NOL7: variants seen among roughly 807,000 people sequenced by gnomAD.
NOL7 encodes nucleolar protein 7.
Under a neutral mutation model 38.4 loss-of-function variants are expected in NOL7, and 36 were observed. The observed-to-expected ratio is 0.94, with a 90% CI of 0.72 to 1.24. The LOEUF is 1.24. Among genes scored for constraint, NOL7 ranks in the 50% most tolerant of loss-of-function variants. The pLI, the probability that NOL7 is intolerant of heterozygous loss-of-function variation, is 0.00. For missense variants in NOL7, 350 were observed against 315.1 expected (o/e 1.11, Z -0.84); for synonymous variants, 142 against 126.5 (o/e 1.12, Z -0.82).
intron 8 of NOL7, among the ~76,000 whole-genome samples, chr6:13,627,663 T>G (rs138660028): frequency 2.3e-3 from 338 of 146,672 alleles, no homozygotes; most frequent in African/African-American, 7.8e-3. Context: ...AATCACGTTA[T>G]TTTTAAGGAC....
Position 13,627,983 on chromosome 6 carries a change from ATAC to A in NOL7, n.574-4403_574-4401del, listed in dbSNP as rs567797269. Among the ~76,000 whole-genome samples the A allele has an allele frequency of 1.5e-3, 222 of 152,348 alleles. 1 individual carries two copies. The highest frequency in any genetic ancestry group is 5.0e-3 in the African/African-American group (208 of 41,580). On this transcript the variant is annotated intron_variant and non_coding_transcript_variant, in intron 8 of 8. Coordinates refer to the NOL7 transcript ENST00000474485. ...ACCCTGGAACTTAAAGGAAAAAAAA[ATAC>A]TACTACACTGCAGTGTTTAAAAACT...
chr6:13,621,073 C>G lies in NOL7; in HGVS notation c.*246C>G, dbSNP rs554448328. On this transcript the variant is annotated 3_prime_UTR_variant, in exon 8 of 8. Transcript: ENST00000451315. ...AGCCATACCCACATCAGCAACAGCA[C>G]CTCTTCTACTCTCCCCGGGTTAGAG... 3.0e-5 allele frequency: 8 copies of G among 262,654 alleles called. No individual in the cohort carries two copies. The South Asian group carries it at 6.5e-4, about 21-fold the overall frequency. The allele number at this position is 262,654 out of a possible 1,614,324, so 16.3% of individuals were successfully genotyped here.
intron 8 of NOL7, among the ~76,000 whole-genome samples, chr6:13,626,950 GA>G (rs1250971911): frequency 6.6e-6 from 1 of 152,142 alleles, no homozygotes; most frequent in Non-Finnish European, 1.5e-5. Flanking sequence ...AACCCATGAA[GA>G]AATGCTGTGA....
In NOL7 at chr6:13,617,771, A is replaced by T; in HGVS notation, c.388A>T (p.Ile130Phe). 1.2e-6 allele frequency: 2 copies of T among 1,613,858 alleles called. No homozygotes were observed. The highest frequency in any genetic ancestry group is 1.7e-6 in the Non-Finnish European group (2 of 1,179,778). Residue 130 changes from isoleucine to phenylalanine, a missense_variant and splice_region_variant, in exon 4 of 8, where the codon ATC (isoleucine) becomes TTC (phenylalanine). By Grantham distance (21) the Ile-to-Phe change is conservative. Transcript: ENST00000451315. ...AGTGGTTTTGTTTTTTTTCCTTAGC[A>T]TCAAGAAATCGCCAGGAAAGGTGAA... is the stretch of plus-strand genomic sequence containing the variant. Reference protein sequence around the residue: ...EKLTTASQTNIKKSPGKVKEV... With the variant: ...EKLTTASQTNFKKSPGKVKEV...
chr6:13,622,149 GACAA>G (rs1764467447), downstream of NOL7: 2 of 354,738 alleles, frequency 5.6e-6, no homozygotes, highest in African/African-American at 4.3e-5. Flanking sequence ...TTAACTCTTA[GACAA>G]CTAAGAGGTT....
downstream of NOL7, chr6:13,625,814 T>G (rs368859378): frequency 1.3e-4 from 163 of 1,286,008 alleles, no homozygotes; most frequent in African/African-American, 2.2e-3. Context: ...TCAACTATTA[T>G]GCTCACAAAT....
chr6:13,628,080 G>A (rs1764671890), intron 8 of NOL7, among the ~76,000 whole-genome samples: 1 of 152,162 alleles, frequency 6.6e-6, no homozygotes, highest in African/African-American at 2.4e-5. Flanking sequence ...AGTGTTTTAG[G>A]CACTAATATG....
chr6:13,622,683 G>T (rs569966961), downstream of NOL7, among the ~76,000 whole-genome samples: 5 of 152,262 alleles, frequency 3.3e-5, no homozygotes, highest in Admixed American at 6.5e-5. Flanking sequence ...GGTAGTGTGG[G>T]TATTGTGTAT....
downstream of NOL7, among the ~76,000 whole-genome samples, chr6:13,626,060 G>C (rs1352035983): frequency 6.6e-6 from 1 of 152,202 alleles, no homozygotes; most frequent in East Asian, 1.9e-4. Flanking sequence ...CTGGTGTAGG[G>C]AGAGTGGAAG....
Position 13,621,019 on chromosome 6 carries a change from T to C in NOL7, c.*192T>C, listed in dbSNP as rs1764429410. On this transcript the variant is annotated 3_prime_UTR_variant, in exon 8 of 8. Coordinates refer to ENST00000451315, the MANE Select transcript of NOL7 (RefSeq NM_016167.5). ...AAAAAGTGGTTTAAGAAGGAATTGT[T>C]TTCTTTTTAATATATTTAACTGAAT... 1 of 406,516 alleles carries C rather than the reference T, an allele frequency of 2.5e-6. No homozygotes were observed. The highest frequency in any genetic ancestry group is 4.0e-5 in the Admixed American group (1 of 24,850). The allele number at this position is 406,516 out of a possible 1,614,324, so 25.2% of individuals were successfully genotyped here.
chr6:13,622,816 G>A (rs1288644624), downstream of NOL7, among the ~76,000 whole-genome samples: 1 of 152,202 alleles, frequency 6.6e-6, no homozygotes, highest in Non-Finnish European at 1.5e-5. Flanking sequence ...GGAGAGTAAG[G>A]AATTATTTCC....
chr6:13,631,322 T>C (rs964492222), intron 8 of NOL7, among the ~76,000 whole-genome samples: 2 of 152,222 alleles, frequency 1.3e-5, no homozygotes, highest in Non-Finnish European at 2.9e-5. Flanking sequence ...TGAGGTGCTC[T>C]ATAACACATC....
At position 13,620,915 on chromosome 6, in the gene NOL7, A is replaced by G. The variant is rs1386748754; in HGVS notation, c.*88A>G. On this transcript the variant is annotated 3_prime_UTR_variant, in exon 8 of 8. Coordinates refer to ENST00000451315, the MANE Select transcript of NOL7 (RefSeq NM_016167.5). The stretch of plus-strand genomic sequence containing the variant: ...AGATCATTTTAAAGGATCATTATAA[A>G]AATCATAAACCTATTTGAGGAAGTG... The G allele has an allele frequency of 1.2e-6, 1 of 848,490 alleles. No homozygotes were observed. The allele number at this position is 848,490 out of a possible 1,614,324, so 52.6% of individuals were successfully genotyped here. A position where few individuals can be genotyped will look rare whatever the true frequency, so the allele number is the denominator to read the frequency against.
chr6:13,616,894 C>T (rs901471071), intron 3 of NOL7, among the ~76,000 whole-genome samples: 2 of 152,188 alleles, frequency 1.3e-5, no homozygotes, highest in African/African-American at 2.4e-5. Context: ...CCATACTTGC[C>T]TTACCTGCCA....
chr6:13,630,712 G>A (rs1764756387), intron 8 of NOL7, among the ~76,000 whole-genome samples: 1 of 152,206 alleles, frequency 6.6e-6, no homozygotes, highest in African/African-American at 2.4e-5. Flanking sequence ...TTTTCCAGAG[G>A]CACAAGACAT....
At chr6:13,617,403 C>T (rs1025206484) in intron 3 of NOL7, among the ~76,000 whole-genome samples, 1 of 152,202 alleles carries the variant, frequency 6.6e-6, no homozygotes, top group Non-Finnish European at 1.5e-5. Context: ...TAAATTAATC[C>T]TTTGTGATTT....
intron 8 of NOL7, among the ~76,000 whole-genome samples, chr6:13,629,915 CTCTCTCGTGTGTGT>C (rs1015208051): frequency 7.9e-6 from 1 of 126,228 alleles, no homozygotes; most frequent in African/African-American, 3.0e-5. Context: ...CTCTCTCTCT[CTCTCTCGTGTGTGT>C]GTGTGTGTGT....
intron 8 of NOL7, among the ~76,000 whole-genome samples, chr6:13,630,701 A>G (rs1239238529): frequency 1.3e-5 from 2 of 152,078 alleles, no homozygotes; most frequent in East Asian, 3.8e-4. Context: ...ATATAGTGGA[A>G]TTTTCCAGAG....
chr6:13,619,348 A>G (rs897981699), intron 5 of NOL7, among the ~76,000 whole-genome samples: 1 of 152,240 alleles, frequency 6.6e-6, no homozygotes, highest in African/African-American at 2.4e-5. Context: ...ATTTTGGCCG[A>G]TACTGTGGAC....
Sources: gnomAD v4.1 joint callset for allele counts (sites outside exome capture counted in the v4.1 genomes callset) on GRCh38, gnomAD v4.1.1 for gene constraint, MANE v1.5 for transcripts, NCBI Gene and HGNC (gene_info 2026-07-23, HGNC 2026-07-21) for gene names.